Variants in ADAMTSL3 observed in about 807,000 individuals in gnomAD.
The protein encoded by ADAMTSL3 is ADAMTS-like protein 3.
ADAMTSL3 carries 128 observed loss-of-function variants against 201.7 expected under a neutral mutation model. The ratio of observed to expected loss-of-function variants is 0.63; its 90% CI spans 0.55 to 0.73. The LOEUF (loss-of-function observed/expected upper bound fraction) is 0.73, where lower values mean the gene tolerates loss of function less well. ADAMTSL3 is among the 30% of genes least tolerant of loss of function. The pLI is 0.00. For missense variants in ADAMTSL3, 1,990 were observed against 2,119.6 expected (o/e 0.94, Z 1.20); for synonymous variants, 738 against 748.4 (o/e 0.99, Z 0.23).
rs560963238 is a variant in ADAMTSL3, at chr15:84,022,998, C to T, written c.4457+1405C>T. Among the ~76,000 whole-genome samples, 68 of 152,280 alleles carry T rather than the reference C, an allele frequency of 4.5e-4. 1 individual carries two copies. In the South Asian group the frequency reaches 6.0e-3, roughly 13 times the overall value. ...GAACTTAGCCCTCCAAAGTAAATCA[C>T]GCCTTATGTTATATGATTTTTATAT... On this transcript the variant is annotated intron_variant, in intron 26 of 29. Coordinates refer to ENST00000286744, the MANE Select transcript of ADAMTSL3 (RefSeq NM_207517.3).
intron 6 of ADAMTSL3, among the ~76,000 whole-genome samples, chr15:83,831,280 T>A (rs908330992): frequency 6.6e-6 from 1 of 152,198 alleles, no homozygotes; most frequent in Non-Finnish European, 1.5e-5. Context: ...TGCCATGTCT[T>A]TTTTTGGGGG....
chr15:83,695,719 T>C (rs1201175249), intron 2 of ADAMTSL3, among the ~76,000 whole-genome samples: 1 of 152,230 alleles, frequency 6.6e-6, no homozygotes, highest in Non-Finnish European at 1.5e-5. Flanking sequence ...GAAAAAAATG[T>C]GAAAAGTCCT....
Position 83,811,176 on chromosome 15 carries a change from A to G in ADAMTSL3, c.363+6481A>G, listed in dbSNP as rs540701993. ...TGCAAAGATCCTTTTGCCATGTAAGATAACATAGTCGCAGGTTCCAGGGGT... is the reference window on the plus strand; with the variant it reads ...TGCAAAGATCCTTTTGCCATGTAAGGTAACATAGTCGCAGGTTCCAGGGGT... On this transcript the variant is annotated intron_variant, in intron 5 of 29. Coordinates refer to ENST00000286744, the MANE Select transcript of ADAMTSL3 (RefSeq NM_207517.3). Among the ~76,000 whole-genome samples, 44 of 152,344 alleles carry G rather than the reference A, an allele frequency of 2.9e-4. 1 individual carries two copies. In the East Asian group the frequency reaches 5.2e-3, roughly 18 times the overall value.
intron 3 of ADAMTSL3, among the ~76,000 whole-genome samples, chr15:83,742,054 C>A (rs1289855325): frequency 6.6e-6 from 1 of 151,954 alleles, no homozygotes; most frequent in Non-Finnish European, 1.5e-5. Flanking sequence ...TTAAAAAACC[C>A]TTGGGAAAGT....
At chr15:83,778,437 A>G (rs2063116094) in intron 4 of ADAMTSL3, among the ~76,000 whole-genome samples, 1 of 152,254 alleles carries the variant, frequency 6.6e-6, no homozygotes. Context: ...CTGAAACCTT[A>G]CAAGCAAGAA....
chr15:83,825,805 C>T (rs907222801), intron 6 of ADAMTSL3, among the ~76,000 whole-genome samples: 1 of 151,848 alleles, frequency 6.6e-6, no homozygotes, highest in African/African-American at 2.4e-5. Flanking sequence ...GTTTAAGGTC[C>T]AGGAGTGCAT....
rs1047380150 is a variant in ADAMTSL3 at position 83,772,347 on chromosome 15, T to C, written c.190-1176T>C. Among the ~76,000 whole-genome samples the C allele has an allele frequency of 4.6e-4, 70 of 152,314 alleles. 2 individuals carry two copies. Among genetic ancestry groups the C allele is most frequent in the Admixed American group, 3.1e-3 (48 of 15,298 alleles). On this transcript the variant is annotated intron_variant, in intron 3 of 29. Transcript: ENST00000286744. ...TTGTTTCTTCATTTATTCAAGTATA[T>C]TTTAGACCCCTTAGTAAAGTTTTGT...
At chr15:83,753,339 C>A (rs1484631943) in intron 3 of ADAMTSL3, among the ~76,000 whole-genome samples, 1 of 152,184 alleles carries the variant, frequency 6.6e-6, no homozygotes, top group Non-Finnish European at 1.5e-5. Context: ...TTTCTCTTTT[C>A]ACCTAGGGCA....
chr15:83,752,901 C>A (rs1418113587), intron 3 of ADAMTSL3, among the ~76,000 whole-genome samples: 1 of 152,194 alleles, frequency 6.6e-6, no homozygotes, highest in African/African-American at 2.4e-5. Context: ...ACTCTCTCAT[C>A]CATCAAGATT....
chr15:83,970,397 T>C, intron 19 of ADAMTSL3, 87 bp from the exon 20 acceptor site: 1 of 1,513,040 alleles, frequency 6.6e-7, no homozygotes, highest in Non-Finnish European at 9.1e-7. Flanking sequence ...AAATTTCCTC[T>C]TGTTTCACCC....
chr15:83,952,964 C>T (rs77947901), intron 19 of ADAMTSL3, among the ~76,000 whole-genome samples: 416 of 152,196 alleles, frequency 2.7e-3, no homozygotes, highest in African/African-American at 9.3e-3. Flanking sequence ...TTTGGGGTTC[C>T]GTTGGCATGG....
At chr15:83,779,385 G>A (rs549166779) in intron 4 of ADAMTSL3, among the ~76,000 whole-genome samples, 154 of 151,954 alleles carry the variant, frequency 1.0e-3, no homozygotes, top group African/African-American at 3.6e-3. Context: ...CTCAGCAAAG[G>A]CAAAAGAACT....
At chr15:83,800,860 T>G (rs952997355) in intron 4 of ADAMTSL3, among the ~76,000 whole-genome samples, 6 of 152,226 alleles carry the variant, frequency 3.9e-5, no homozygotes, top group African/African-American at 1.4e-4. Context: ...AAGAGAGTAA[T>G]TTCAATTACT....
At chr15:83,666,411 T>C (rs564823845) in intron 2 of ADAMTSL3, among the ~76,000 whole-genome samples, 2 of 152,358 alleles carry the variant, frequency 1.3e-5, no homozygotes, top group East Asian at 3.9e-4. Context: ...GAAAATTCCA[T>C]TGATGTCTAT....
At chr15:83,948,064 A>G (rs992684290) in intron 19 of ADAMTSL3, among the ~76,000 whole-genome samples, 4 of 152,218 alleles carry the variant, frequency 2.6e-5, no homozygotes, top group African/African-American at 9.6e-5. Context: ...TATATCTAAT[A>G]TGCTAAGTAA....
At chr15:83,801,231 C>G (rs1334313229) in intron 4 of ADAMTSL3, among the ~76,000 whole-genome samples, 2 of 152,104 alleles carry the variant, frequency 1.3e-5, no homozygotes, top group East Asian at 3.9e-4. Context: ...AACCACAAAT[C>G]AAGAAAGCGC....
At chr15:83,672,489 C>G (rs1171947508) in intron 2 of ADAMTSL3, among the ~76,000 whole-genome samples, 1 of 152,170 alleles carries the variant, frequency 6.6e-6, no homozygotes, top group African/African-American at 2.4e-5. Context: ...TGCCCATTTG[C>G]TGGGTGTGCA....
At chr15:83,942,399 C>T (rs1384211826) in intron 17 of ADAMTSL3, among the ~76,000 whole-genome samples, 197 bp from the exon 18 acceptor site, 2 of 152,194 alleles carry the variant, frequency 1.3e-5, no homozygotes, top group African/African-American at 4.8e-5. Flanking sequence ...TAAACACTTT[C>T]CTGACATTTC....
Position 83,704,492 on chromosome 15 carries a change from A to T in ADAMTSL3, c.173A>T (p.Tyr58Phe), listed in dbSNP as rs374371032. ...ACAACAGGGGAGCAGTTCCTCACTT[A>T]TCGCTATGATGACCAGGTAAGAACA... The part of the protein sequence containing the change: ...EDTTGEQFLT[Y>F]RYDDQTSRNT... Residue 58 changes from tyrosine to phenylalanine, a missense_variant, in exon 3 of 30, where the codon TAT (tyrosine) becomes TTT (phenylalanine). Transcript: ENST00000286744. 72 of 1,614,100 alleles carry T rather than the reference A, an allele frequency of 4.5e-5. No homozygotes were observed. The highest frequency in any genetic ancestry group is 5.8e-5 in the Non-Finnish European group (68 of 1,180,032).
Sources: allele counts gnomAD v4.1 joint callset (sites outside exome capture counted in the v4.1 genomes callset), GRCh38; gene constraint gnomAD v4.1.1; transcripts MANE v1.5; gene names NCBI Gene and HGNC (gene_info 2026-07-23, HGNC 2026-07-21).